Variants in PPP1R13B observed in about 807,000 individuals in gnomAD.
The protein encoded by PPP1R13B is apoptosis-stimulating of p53 protein 1.
In PPP1R13B, 44 loss-of-function variants were observed where a neutral mutation model predicts 119.8. The observed-to-expected ratio is 0.37, with a 90% CI of 0.29 to 0.47. The LOEUF is 0.47. Among genes scored for constraint, PPP1R13B ranks in the 20% least tolerant of loss-of-function variants. PPP1R13B has a pLI of 0.99. For synonymous variants in PPP1R13B, 542 were observed against 561.5 expected (o/e 0.97, Z 0.49); for missense variants, 1,227 against 1,413.5 (o/e 0.87, Z 2.12).
intron 1 of PPP1R13B, among the ~76,000 whole-genome samples, chr14:103,809,381 C>T (rs1280567129): frequency 6.6e-6 from 1 of 152,138 alleles, no homozygotes; most frequent in Non-Finnish European, 1.5e-5. Flanking sequence ...TATTTAAAAG[C>T]ATAACGCATT....
rs984253796 is a variant in PPP1R13B at position 103,733,413 on chromosome 14, T to C, written c.*1741A>G. The C allele has an allele frequency of 5.1e-6, 1 of 196,224 alleles. No individual in the cohort carries two copies. The highest frequency in any genetic ancestry group is 1.1e-5 in the Non-Finnish European group (1 of 94,958). 12.2% of individuals were successfully genotyped at this position (196,224 alleles called of 1,614,324 possible). ...AGTTTGGGCAGTAGGAACTCAGGCT[T>C]CTGGTCTGCAGTGGAGCCTGTTCGC... On this transcript the variant is annotated 3_prime_UTR_variant, in exon 17 of 17. Transcript: ENST00000202556.
chr14:103,751,346 C>T (rs571684235), intron 7 of PPP1R13B, among the ~76,000 whole-genome samples: 4 of 152,256 alleles, frequency 2.6e-5, no homozygotes, highest in East Asian at 3.9e-4. Context: ...TATGCATTTA[C>T]GTTAAAGAAC....
At chr14:103,833,534 T>C (rs539709415) in intron 1 of PPP1R13B, among the ~76,000 whole-genome samples, 87 of 152,076 alleles carry the variant, frequency 5.7e-4, no homozygotes, top group Non-Finnish European at 1.9e-4. Context: ...TGCCAGCTCC[T>C]GGGGAAGCTG....
chr14:103,768,753 G>T (rs7152148), intron 4 of PPP1R13B, among the ~76,000 whole-genome samples: 67,707 of 151,744 alleles, frequency 0.45, 15,580 homozygotes, highest in African/African-American at 0.56. Flanking sequence ...GTATTTTTAG[G>T]AGAGATGGGG....
intron 1 of PPP1R13B, among the ~76,000 whole-genome samples, chr14:103,814,587 T>C (rs892791926): frequency 1.3e-5 from 2 of 151,930 alleles, no homozygotes; most frequent in African/African-American, 4.8e-5. Context: ...AAGGATCACT[T>C]GAGGGTAGGA....
At chr14:103,777,536 G>A (rs1252220836) in intron 4 of PPP1R13B, among the ~76,000 whole-genome samples, 11 of 152,114 alleles carry the variant, frequency 7.2e-5, no homozygotes, top group Non-Finnish European at 1.2e-4. Context: ...GAGATGCTGT[G>A]TTTACGTGCA....
intron 1 of PPP1R13B, 41 bp from the exon 2 acceptor site, chr14:103,797,559 T>C (rs200865324): frequency 3.1e-4 from 471 of 1,542,220 alleles, no homozygotes; most frequent in East Asian, 4.4e-4. Context: ...AGATTCCTTA[T>C]CACAAACAGA....
chr14:103,775,648 T>C (rs971416394), intron 4 of PPP1R13B, among the ~76,000 whole-genome samples: 1 of 152,224 alleles, frequency 6.6e-6, no homozygotes, highest in East Asian at 1.9e-4. Flanking sequence ...CTTGCTAAAG[T>C]GTAACCTGGA....
intron 1 of PPP1R13B, among the ~76,000 whole-genome samples, chr14:103,799,226 T>C (rs1205703449): frequency 1.3e-5 from 2 of 152,134 alleles, no homozygotes; most frequent in Non-Finnish European, 1.5e-5. Flanking sequence ...TCACGCAGGC[T>C]GGAGTGCAGT....
chr14:103,748,742 T>TG (rs1389960884), intron 8 of PPP1R13B, among the ~76,000 whole-genome samples: 2 of 152,154 alleles, frequency 1.3e-5, no homozygotes, highest in Non-Finnish European at 2.9e-5. Flanking sequence ...TGCTCACCAA[T>TG]GCACTGTGAG....
chr14:103,793,134 GGGAGGGGAGGGAAA>G (rs1488968129), intron 2 of PPP1R13B, among the ~76,000 whole-genome samples: 22 of 137,856 alleles, frequency 1.6e-4, no homozygotes, highest in Non-Finnish European at 2.9e-4. Context: ...GGGAGGGGAG[GGGAGGGGAGGGAAA>G]GGAGGGGAAG....
At chr14:103,761,885 G>T (rs146126235) in intron 4 of PPP1R13B, among the ~76,000 whole-genome samples, 248 of 152,246 alleles carry the variant, frequency 1.6e-3, no homozygotes, top group Non-Finnish European at 2.9e-3. Flanking sequence ...ATTGTTCCTA[G>T]TCAGAGAACA....
intron 3 of PPP1R13B, among the ~76,000 whole-genome samples, chr14:103,779,612 A>C (rs1363409683): frequency 1.8e-5 from 1 of 56,806 alleles, no homozygotes; most frequent in Admixed American, 1.5e-4. Context: ...CTGTCTCTAC[A>C]AAAAAAAAAA....
intron 1 of PPP1R13B, among the ~76,000 whole-genome samples, chr14:103,802,750 G>A (rs565928575): frequency 7.9e-5 from 12 of 152,240 alleles, no homozygotes; most frequent in African/African-American, 2.9e-4. Flanking sequence ...CAGCTCATGA[G>A]TAAGTTCAAT....
intron 1 of PPP1R13B, among the ~76,000 whole-genome samples, chr14:103,828,148 C>T (rs2086593051): frequency 6.6e-6 from 1 of 151,958 alleles, no homozygotes; most frequent in Non-Finnish European, 1.5e-5. Flanking sequence ...GGGTGGATCA[C>T]CCAAGGTCAG....
chr14:103,734,945 T>C lies in PPP1R13B; in HGVS notation c.*209A>G, dbSNP rs1257949584. On this transcript the variant is annotated 3_prime_UTR_variant, in exon 17 of 17. Transcript: ENST00000202556. ...TATAGTAATTGGCAAAATTCAGTCC[T>C]TGGAGGCGAAAGTACCTCTCCCAGT... 2 of 697,330 alleles carry C rather than the reference T, an allele frequency of 2.9e-6. No homozygotes were observed. The highest frequency in any genetic ancestry group is 5.5e-5 in the East Asian group (2 of 36,158). The allele number at this position is 697,330 out of a possible 1,614,324, so 43.2% of individuals were successfully genotyped here.
chr14:103,743,861 T>C (rs1051574567), intron 9 of PPP1R13B: 1 of 152,326 alleles, frequency 6.6e-6, no homozygotes, highest in Non-Finnish European at 1.5e-5. Context: ...AGCCGCAGCC[T>C]CACACGGCTT....
At chr14:103,833,386 G>C (rs1403811849) in intron 1 of PPP1R13B, among the ~76,000 whole-genome samples, 1 of 152,110 alleles carries the variant, frequency 6.6e-6, no homozygotes, top group African/African-American at 2.4e-5. Flanking sequence ...GCTCATGCCT[G>C]TAATCCTAGC....
chr14:103,787,796 G>A (rs189119860), intron 2 of PPP1R13B, among the ~76,000 whole-genome samples: 20 of 151,900 alleles, frequency 1.3e-4, no homozygotes, highest in Non-Finnish European at 2.6e-4. Flanking sequence ...TGGGACTACA[G>A]GTGTGCACCA....
Sources: allele counts gnomAD v4.1 joint callset (sites outside exome capture counted in the v4.1 genomes callset), GRCh38; gene constraint gnomAD v4.1.1; transcripts MANE v1.5; gene names NCBI Gene and HGNC (gene_info 2026-07-23, HGNC 2026-07-21).